Variants in GPC3 observed in about 807,000 individuals in gnomAD.
GPC3 encodes the protein glypican-3.
A neutral mutation model predicts 34.4 loss-of-function variants in GPC3; 3 were observed. The ratio of observed to expected loss-of-function variants is 0.09; its 90% confidence interval spans 0.04 to 0.23. The LOEUF (loss-of-function observed/expected upper bound fraction) is 0.23. GPC3 is among the 10% of genes least tolerant of loss of function. The pLI is 1.00. For synonymous variants in GPC3, 177 were observed against 174.0 expected (o/e 1.02, Z -0.13); for missense variants, 351 against 445.6 (o/e 0.79, Z 1.91).
At chrX:133,671,280 A>C in intron 5 of GPC3, 1 of 938,062 alleles carries the variant, frequency 1.1e-6, no homozygotes, top group East Asian at 3.1e-5. Flanking sequence ...CTGTATGAGA[A>C]GAAAAAGACC....
At chrX:133,919,290 A>G (rs757740118) in intron 2 of GPC3, among the ~76,000 whole-genome samples, 64 of 111,984 alleles carry the variant, frequency 5.7e-4, no homozygotes, top group Non-Finnish European at 1.1e-3. Flanking sequence ...GATTCCCTAA[A>G]CTTCAACTTT....
At chrX:133,973,002 G>A (rs1213859000) in intron 1 of GPC3, among the ~76,000 whole-genome samples, 1 of 110,929 alleles carries the variant, frequency 9.0e-6, no homozygotes, top group East Asian at 2.8e-4. Flanking sequence ...TGAAGTCATG[G>A]GAATGGATGT....
chrX:133,906,176 G>A (rs940179625), intron 2 of GPC3, among the ~76,000 whole-genome samples: 2 of 111,708 alleles, frequency 1.8e-5, no homozygotes, highest in Non-Finnish European at 3.8e-5. Flanking sequence ...AAAGTCTGCA[G>A]TGTTCTTTTT....
intron 2 of GPC3, among the ~76,000 whole-genome samples, chrX:133,824,314 T>TAAAC (rs2075735734): frequency 9.0e-6 from 1 of 111,416 alleles, no homozygotes; most frequent in Non-Finnish European, 1.9e-5. Context: ...CTATCTCCCA[T>TAAAC]GTACTGATAT....
At chrX:133,937,480 C>T (rs1475495985) in intron 2 of GPC3, among the ~76,000 whole-genome samples, 5 of 110,454 alleles carry the variant, frequency 4.5e-5, no homozygotes, top group African/African-American at 1.3e-4. Flanking sequence ...TATTTTAAAC[C>T]ACATCTGAAC....
chrX:133,590,172 C>T (rs1569390345), intron 7 of GPC3, among the ~76,000 whole-genome samples: 2 of 111,342 alleles, frequency 1.8e-5, no homozygotes, highest in Non-Finnish European at 3.8e-5. Flanking sequence ...GCATTTGTTC[C>T]GTCTGCAACA....
chrX:133,948,574 AC>A (rs758706419), intron 2 of GPC3, among the ~76,000 whole-genome samples: 9 of 111,420 alleles, frequency 8.1e-5, no homozygotes, highest in Admixed American at 2.9e-4. Context: ...AATAGTGTGG[AC>A]CAAAAAATGC....
intron 6 of GPC3, among the ~76,000 whole-genome samples, chrX:133,635,495 G>T (rs762937289): frequency 1.0e-3 from 112 of 111,714 alleles, no homozygotes; most frequent in Non-Finnish European, 1.9e-3. Context: ...TGAAATTTTG[G>T]TCCTAACCTT....
chrX:133,849,480 A>G (rs757641514), intron 2 of GPC3, among the ~76,000 whole-genome samples: 2 of 111,683 alleles, frequency 1.8e-5, no homozygotes, highest in Non-Finnish European at 3.8e-5. Flanking sequence ...TCCATAATTC[A>G]CCATAATATC....
At chrX:133,938,676 T>C (rs1443210668) in intron 2 of GPC3, among the ~76,000 whole-genome samples, 3 of 112,357 alleles carry the variant, frequency 2.7e-5, no homozygotes, top group Non-Finnish European at 3.8e-5. Context: ...TCACTCTAGA[T>C]CATTAATTTT....
intron 6 of GPC3, among the ~76,000 whole-genome samples, chrX:133,614,013 A>C (rs1237554275): frequency 9.0e-6 from 1 of 111,657 alleles, no homozygotes; most frequent in African/African-American, 3.2e-5. Flanking sequence ...TTGAGCAGGC[A>C]GAATAAAAAA....
intron 7 of GPC3, among the ~76,000 whole-genome samples, chrX:133,568,939 G>T (rs1450237595): frequency 9.0e-6 from 1 of 111,603 alleles, no homozygotes; most frequent in Non-Finnish European, 1.9e-5. Flanking sequence ...GGTGGAGGCA[G>T]GTGGATTGCT....
At chrX:133,742,802 A>G (rs1308955736) in intron 3 of GPC3, among the ~76,000 whole-genome samples, 2 of 112,303 alleles carry the variant, frequency 1.8e-5, no homozygotes, top group Non-Finnish European at 3.8e-5. Flanking sequence ...AAAGGCTTAG[A>G]TAGATTCTCA....
At chrX:133,961,557 C>T (rs1352062536) in intron 1 of GPC3, among the ~76,000 whole-genome samples, 1 of 111,464 alleles carries the variant, frequency 9.0e-6, no homozygotes, top group East Asian at 2.8e-4. Flanking sequence ...ATTATATCCA[C>T]CTTGCCAAAG....
At chrX:133,766,479 C>T (rs2071846720) in intron 2 of GPC3, among the ~76,000 whole-genome samples, 1 of 112,021 alleles carries the variant, frequency 8.9e-6, no homozygotes, top group Non-Finnish European at 1.9e-5. Context: ...TGTTCTGGGA[C>T]TCTTTTATAG....
chrX:133,688,990 G>C (rs1006054656), intron 5 of GPC3, among the ~76,000 whole-genome samples: 7 of 110,842 alleles, frequency 6.3e-5, no homozygotes, highest in Non-Finnish European at 1.1e-4. Flanking sequence ...ATTGCATTAG[G>C]TCAGTAATAC....
intron 3 of GPC3, among the ~76,000 whole-genome samples, chrX:133,708,215 A>G (rs1218996600): frequency 9.0e-6 from 1 of 111,722 alleles, no homozygotes; most frequent in Non-Finnish European, 1.9e-5. Flanking sequence ...ATAAAGCTGC[A>G]CTGTTTACTC....
At chrX:133,768,690 A>G (rs1244136148) in intron 2 of GPC3, among the ~76,000 whole-genome samples, 2 of 111,770 alleles carry the variant, frequency 1.8e-5, no homozygotes, top group African/African-American at 6.5e-5. Context: ...TGTAATCCCA[A>G]CACTTTTGGA....
intron 2 of GPC3, among the ~76,000 whole-genome samples, chrX:133,863,579 A>T (rs2075949006): frequency 9.4e-6 from 1 of 106,881 alleles, no homozygotes; most frequent in Admixed American, 9.8e-5. Flanking sequence ...TATTAAGGGC[A>T]CTGTGCAACC....
Sources: gnomAD v4.1 joint callset for allele counts (sites outside exome capture counted in the v4.1 genomes callset) on GRCh38, gnomAD v4.1.1 for gene constraint, MANE v1.5 for transcripts, NCBI Gene and HGNC (gene_info 2026-07-23, HGNC 2026-07-21) for gene names.